The following PGAP6 variants were observed in gnomAD, a reference collection of about 807,000 sequenced individuals.
The protein encoded by PGAP6 is post-GPI attachment to proteins 6.
A neutral mutation model predicts 68.4 loss-of-function variants in PGAP6; 62 were observed. The observed-to-expected ratio is 0.91, with a 90% CI of 0.74 to 1.12. The LOEUF (loss-of-function observed/expected upper bound fraction) is 1.12, where lower values mean the gene tolerates loss of function less well. Among genes scored for constraint, PGAP6 ranks in the 50% most tolerant of loss-of-function variants. PGAP6 has a pLI of 0.00. For missense variants in PGAP6, 1,188 were observed against 1,068.5 expected (o/e 1.11, Z -1.56); for synonymous variants, 575 against 474.0 (o/e 1.21, Z -2.77).
upstream of PGAP6, among the ~76,000 whole-genome samples, chr16:382,749 A>AG (rs1174169560): frequency 2.2e-5 from 2 of 91,830 alleles, no homozygotes; most frequent in East Asian, 3.8e-4. Context: ...CGTGGGTGGG[A>AG]GGGGGGTGGG....
At position 375,151 on chromosome 16, in the gene PGAP6, A is replaced by G. The variant is rs1213287795; in HGVS notation, c.1421T>C (p.Met474Thr). Residue 474 changes from methionine (M) to threonine (T), a missense_variant, in exon 8 of 13, where the codon ATG becomes ACG. Physicochemically the swap from Met to Thr is moderately conservative, Grantham distance 81 (BLOSUM62 -1). Transcript: ENST00000431232. ...TDNWYLSLQL[M>T]CPENAEDCEQ... ...TACTTACTCAGCATTCTCAGGGCAC[A>G]TGAGCTGCAGGGAGAGGTACCAGTT... 6.2e-7 allele frequency: 1 copy of G among 1,613,292 alleles called. No individual in the cohort carries two copies. Among genetic ancestry groups the G allele is most frequent in the Non-Finnish European group, 8.5e-7 (1 of 1,179,986 alleles).
intron 3 of PGAP6, 64 bp downstream of exon 3, chr16:377,314 A>G: frequency 1.9e-6 from 3 of 1,549,504 alleles, no homozygotes; most frequent in Non-Finnish European, 2.6e-6. Context: ...AAAGAGGTGA[A>G]CGGCAGGGAC....
rs2054365720 is a variant in PGAP6, at chr16:374,760, C to T, written c.1572G>A (p.Lys524=). The change falls in exon 9 of 13, where the codon AAG becomes AAA. Residue 524 remains lysine (K), a synonymous_variant. Transcript: ENST00000431232. Reference sequence around the variant, plus strand: ...GGGCGGGGCCCTGGCACTCACCTGCCTTGCAGCTGCAGCTGGCATACAGGT... The same window carrying T: ...GGGCGGGGCCCTGGCACTCACCTGCTTTGCAGCTGCAGCTGGCATACAGGT... ...HSYLYASCSC[K]AGWRGWSCTD... is the part of the protein sequence containing the mutation. 6.2e-7 allele frequency: 1 copy of T among 1,612,596 alleles called. No homozygotes were observed. Among genetic ancestry groups the T allele is most frequent in the Non-Finnish European group, 8.5e-7 (1 of 1,179,888 alleles).
rs145807786 is a variant in PGAP6 at position 374,137 on chromosome 16, G to A, written c.1770C>T (p.Cys590=). ...TMFFSTFYHA[C]DQPGEAVLCI... is the part of the protein sequence containing the mutation. ...ACAGCACCGCCTCCCCGGGCTGGTC[G>A]CAGGCGTGGTAGAACTGTGGGGAGG... The change falls in exon 11 of 13, where the codon TGC becomes TGT. Residue 590 remains cysteine, a synonymous_variant. Transcript: ENST00000431232. 7.9e-5 allele frequency: 128 copies of A among 1,610,874 alleles called. No homozygotes were observed. Among genetic ancestry groups the A allele is most frequent in the African/African-American group, 6.0e-4 (45 of 75,052 alleles).
At chr16:379,131 C>T (rs1030081358) in intron 1 of PGAP6, among the ~76,000 whole-genome samples, 1 of 152,326 alleles carries the variant, frequency 6.6e-6, no homozygotes, top group Admixed American at 6.5e-5. Flanking sequence ...AGGAAAAGCA[C>T]AGTGGACACA....
chr16:386,725 CCA>C (rs1491413310), upstream of PGAP6: 18 of 283,506 alleles, frequency 6.3e-5, no homozygotes, highest in African/African-American at 1.5e-4. Flanking sequence ...AAAAAAAAAA[CCA>C]AAAAAAAAAA....
upstream of PGAP6, chr16:386,934 C>T (rs777407070): frequency 1.7e-6 from 1 of 585,498 alleles, no homozygotes; most frequent in East Asian, 4.1e-5. Context: ...CCGGAGGCGG[C>T]CTGAATATCC....
chr16:371,762 C>T lies in PGAP6; in HGVS notation c.*225G>A. Reference sequence around the variant, plus strand: ...AGGCCCCAGGGGCCACTGCAGACAGCAGCTGGGATCTGCAGAGGGATCTCA... The same window carrying T: ...AGGCCCCAGGGGCCACTGCAGACAGTAGCTGGGATCTGCAGAGGGATCTCA... On this transcript the variant is annotated 3_prime_UTR_variant, in exon 13 of 13. Transcript: ENST00000431232. The T allele has an allele frequency of 1.8e-6, 1 of 549,952 alleles. No individual in the cohort carries two copies. Among genetic ancestry groups the T allele is most frequent in the East Asian group, 3.2e-5 (1 of 31,682 alleles). The allele number at this position is 549,952 out of a possible 1,614,324, so 34.1% of individuals were successfully genotyped here.
rs1368636589 is a variant in PGAP6, at chr16:376,406, T to C, written c.954A>G (p.Gln318=). 1 of 1,600,274 alleles carries C rather than the reference T, an allele frequency of 6.2e-7. No homozygotes were observed. ...CAGAGGAGGCATTGAAGCTCTGGTT[T>C]TGGCTGCTCTGCAGAAGGGGCTGGA... ...VTIQPLLQSS[Q]NQSFNASSGL... is the part of the protein sequence containing the mutation. Residue 318 remains glutamine, a synonymous_variant, in exon 6 of 13, where the codon CAA becomes CAG. Transcript: ENST00000431232.
In PGAP6 at chr16:375,257, C is replaced by G. The variant is rs1460237599; in HGVS notation, c.1316-1G>C. 3 of 1,612,832 alleles carry G rather than the reference C, an allele frequency of 1.9e-6. No homozygotes were observed. In the East Asian group the frequency reaches 6.7e-5, roughly 36 times the overall value. ...GACAAAGGGTAGCCCTGGAAGAAGG[C>G]TGCAGGGGAGCCAGAGGGCCCCATC... On this transcript the variant is annotated splice_acceptor_variant, in intron 7 of 12. Transcript: ENST00000431232. LOFTEE classifies it high-confidence loss of function.
chr16:385,375 C>G (rs1044759030), upstream of PGAP6, among the ~76,000 whole-genome samples: 4 of 133,060 alleles, frequency 3.0e-5, no homozygotes, highest in African/African-American at 6.0e-5. Flanking sequence ...TGCAGTGATG[C>G]GATCTCGGCT....
Position 374,870 on chromosome 16 carries a change from G to A in PGAP6, c.1462C>T (p.His488Tyr). 1.2e-6 allele frequency: 2 copies of A among 1,612,950 alleles called. No homozygotes were observed. Among genetic ancestry groups the A allele is most frequent in the Middle Eastern group, 1.7e-4 (1 of 6,058 alleles). The change falls in exon 9 of 13, where the codon CAC (histidine) becomes TAC (tyrosine). Residue 488 changes from histidine (H) to tyrosine (Y), a missense_variant. Physicochemically the swap from His to Tyr is moderately conservative, Grantham distance 83 (BLOSUM62 2). Coordinates refer to ENST00000431232, the MANE Select transcript of PGAP6 (RefSeq NM_021259.3). ...ACCAGGTACAAGGTGGTCTCCACGT[G>A]GACCACAGCCTGCTCACAGTCCCTT... ...NAEDCEQAVVHVETTLYLVPC... is the reference protein window; with the variant it reads ...NAEDCEQAVVYVETTLYLVPC...
At chr16:380,362 TTCTG>T (rs952559803) in intron 1 of PGAP6, among the ~76,000 whole-genome samples, 21 of 149,828 alleles carry the variant, frequency 1.4e-4, no homozygotes, top group South Asian at 8.5e-4. Context: ...TTTTTTTTCT[TTCTG>T]TCTTTCTTTT....
At chr16:386,801 T>G, upstream of PGAP6, 1 of 610,056 alleles carries the variant, frequency 1.6e-6, no homozygotes, top group Non-Finnish European at 3.1e-6. Context: ...CTGCCTCTCC[T>G]GAAGCCGAAG....
chr16:374,723 G>C, intron 9 of PGAP6, 33 bp downstream of exon 9: 1 of 1,610,420 alleles, frequency 6.2e-7, no homozygotes, highest in Non-Finnish European at 8.5e-7. Context: ...AACAGCAGCA[G>C]CGTCTCGGGG....
In PGAP6 at chr16:377,119, CCAG is replaced by C. The variant is rs750236343; in HGVS notation, c.550_552del (p.Leu184del). 4.3e-6 allele frequency: 7 copies of C among 1,613,540 alleles called. No homozygotes were observed. Among genetic ancestry groups the C allele is most frequent in the Non-Finnish European group, 5.9e-6 (7 of 1,180,020 alleles). On this transcript the variant is annotated inframe_deletion, in exon 4 of 13. Coordinates refer to ENST00000431232, the MANE Select transcript of PGAP6 (RefSeq NM_021259.3). ...ATGGAAATCTCGACCACCCGCGTGACCAGCAGTTCAGGCTGGAAGACGTAGGCA... is the reference window on the plus strand; with the variant it reads ...ATGGAAATCTCGACCACCCGCGTGACCAGTTCAGGCTGGAAGACGTAGGCA...
chr16:373,984 C>A, intron 11 of PGAP6, 21 bp downstream of exon 11: 1 of 1,589,864 alleles, frequency 6.3e-7, no homozygotes, highest in Non-Finnish European at 8.6e-7. Context: ...GAGCCCACAC[C>A]CCACGTCGAG....
At chr16:386,299 C>T (rs1230104702), upstream of PGAP6, among the ~76,000 whole-genome samples, 1 of 152,080 alleles carries the variant, frequency 6.6e-6, no homozygotes, top group African/African-American at 2.4e-5. Context: ...GCACCTCCTG[C>T]AAATGCTTCC....
At chr16:385,128 T>C (rs1014190986), upstream of PGAP6, among the ~76,000 whole-genome samples, 1 of 147,880 alleles carries the variant, frequency 6.8e-6, no homozygotes. Context: ...ATCAGGCCAC[T>C]GCACTCCAGC....
Sources: gnomAD v4.1 joint callset for allele counts (sites outside exome capture counted in the v4.1 genomes callset) on GRCh38, gnomAD v4.1.1 for gene constraint, MANE v1.5 for transcripts, NCBI Gene and HGNC (gene_info 2026-07-23, HGNC 2026-07-21) for gene names.